SUFU: variants seen among roughly 807,000 people sequenced by gnomAD.
SUFU encodes the protein SUFU negative regulator of hedgehog signaling.
In SUFU, 7 loss-of-function variants were observed where a neutral mutation model predicts 58.9. The observed-to-expected ratio is 0.12, with a 90% confidence interval of 0.07 to 0.22. The LOEUF is 0.22. SUFU is among the 10% of genes least tolerant of loss of function. The pLI, the probability that SUFU is intolerant of heterozygous loss-of-function variation, is 1.00. For missense variants in SUFU, 451 were observed against 641.3 expected (o/e 0.70, Z 3.20); for synonymous variants, 232 against 254.8 (o/e 0.91, Z 0.85).
chr10:102,610,222 G>A (rs952812952), intron 8 of SUFU, among the ~76,000 whole-genome samples: 5 of 151,622 alleles, frequency 3.3e-5, no homozygotes, highest in South Asian at 4.2e-4. Context: ...GTGAAACCCC[G>A]TCTCTACTAA....
At chr10:102,503,932 G>GC (rs953432067), upstream of SUFU, 8 of 553,384 alleles carry the variant, frequency 1.4e-5, no homozygotes, top group African/African-American at 6.0e-5. Context: ...CCGGCGCCCC[G>GC]CCCCCCTTAG....
chr10:102,564,580 G>A (rs1418079944), intron 3 of SUFU, among the ~76,000 whole-genome samples: 4 of 152,138 alleles, frequency 2.6e-5, no homozygotes, highest in East Asian at 1.9e-4. Flanking sequence ...TGATCCACCC[G>A]CCTTGGCCTC....
intron 11 of SUFU, among the ~76,000 whole-genome samples, chr10:102,627,574 C>G (rs1337915252): frequency 1.3e-5 from 2 of 152,264 alleles, no homozygotes; most frequent in Admixed American, 6.5e-5. Flanking sequence ...AGTACGAGTT[C>G]TCCCCAGCCC....
chr10:102,633,046 C>T lies in SUFU; in HGVS notation c.*2891C>T. The stretch of plus-strand genomic sequence containing the variant: ...GCTAGAGCATTTTTAAAAATAGACA[C>T]AGGGTCTTGGGACTGGGGTTTCGGA... On this transcript the variant is annotated 3_prime_UTR_variant, in exon 12 of 12. Transcript: ENST00000369902. 4.3e-6 allele frequency: 1 copy of T among 233,374 alleles called. No individual in the cohort carries two copies. The highest frequency in any genetic ancestry group is 8.5e-6 in the Non-Finnish European group (1 of 118,096). The allele number at this position is 233,374 out of a possible 1,614,324, so 14.5% of individuals were successfully genotyped here.
At chr10:102,580,201 T>G (rs1167092368) in intron 3 of SUFU, among the ~76,000 whole-genome samples, 4 of 152,106 alleles carry the variant, frequency 2.6e-5, no homozygotes, top group African/African-American at 9.7e-5. Context: ...CTGTGCACTG[T>G]GTTGGGAGAA....
At chr10:102,608,084 C>T (rs547959441) in intron 8 of SUFU, among the ~76,000 whole-genome samples, 5 of 150,970 alleles carry the variant, frequency 3.3e-5, no homozygotes, top group South Asian at 2.1e-4. Flanking sequence ...ATCAGCCAGG[C>T]GTGATGGTGG....
chr10:102,531,728 G>T (rs1047890440), intron 2 of SUFU, among the ~76,000 whole-genome samples: 4 of 152,162 alleles, frequency 2.6e-5, no homozygotes, highest in African/African-American at 9.7e-5. Flanking sequence ...TAGCATAGGG[G>T]ATAGTGATGT....
At chr10:102,551,784 G>T (rs1212159886) in intron 3 of SUFU, among the ~76,000 whole-genome samples, 1 of 141,312 alleles carries the variant, frequency 7.1e-6, no homozygotes, top group East Asian at 2.2e-4. Flanking sequence ...GAGTGCAGTG[G>T]TGCGATCTCG....
At position 102,535,484 on chromosome 10, in the gene SUFU, CA is replaced by C. The variant is rs11389840; in HGVS notation, c.318-14472del. On this transcript the variant is annotated intron_variant, in intron 2 of 11. Coordinates refer to ENST00000369902, the MANE Select transcript of SUFU (RefSeq NM_016169.4). ...CTGGTGACAGCGTGAGACTCCGTCT[CA>C]AAAAAAAAAAAAAGAGAAAGAAAAG... Among the ~76,000 whole-genome samples the C allele has an allele frequency of 9.4e-4, 107 of 113,682 alleles. 1 individual carries two copies. The highest frequency in any genetic ancestry group is 4.4e-3 in the South Asian group (15 of 3,448). 74.6% of individuals were successfully genotyped at this position (113,682 alleles called of 152,430 possible). A position where few individuals can be genotyped will look rare whatever the true frequency, so the allele number is the denominator to read the frequency against.
chr10:102,614,258 T>G (rs2063658228), intron 8 of SUFU, among the ~76,000 whole-genome samples: 2 of 152,190 alleles, frequency 1.3e-5, no homozygotes, highest in South Asian at 4.2e-4. Context: ...CCATAAACTT[T>G]AATATAGAAT....
intron 3 of SUFU, among the ~76,000 whole-genome samples, chr10:102,580,685 CTG>C (rs1380179015): frequency 6.6e-6 from 1 of 152,130 alleles, no homozygotes; most frequent in Non-Finnish European, 1.5e-5. Flanking sequence ...GGAGGAGGCT[CTG>C]TGTCTTCCTG....
intron 2 of SUFU, 145 bp downstream of exon 2, chr10:102,509,448 A>G: frequency 8.4e-7 from 1 of 1,195,108 alleles, no homozygotes; most frequent in South Asian, 1.2e-5. Flanking sequence ...TACTCATGCC[A>G]AGGTGGTCCT....
chr10:102,594,770 G>A (rs1043963504), intron 6 of SUFU, among the ~76,000 whole-genome samples: 1 of 152,162 alleles, frequency 6.6e-6, no homozygotes, highest in Non-Finnish European at 1.5e-5. Context: ...CCAGCCTGGA[G>A]TGCAGTGGCA....
intron 2 of SUFU, among the ~76,000 whole-genome samples, chr10:102,512,149 C>G (rs1307804296): frequency 6.6e-6 from 1 of 152,206 alleles, no homozygotes; most frequent in African/African-American, 2.4e-5. Flanking sequence ...GCAATGTCTG[C>G]AGCTGCCTTT....
intron 3 of SUFU, among the ~76,000 whole-genome samples, chr10:102,558,154 G>A (rs1039398446): frequency 6.6e-6 from 1 of 152,116 alleles, no homozygotes; most frequent in African/African-American, 2.4e-5. Flanking sequence ...CACCCGCCAT[G>A]GCCTCCCAAA....
chr10:102,617,879 G>A lies in SUFU; in HGVS notation c.1296+451G>A. ...GTGTGCCTGGACCAGGGCTGGGCAG[G>A]CCTCAGTGGGAAGAGCCTCCCCTTC... On this transcript the variant is annotated intron_variant, in intron 10 of 11. Transcript: ENST00000369902. The surrounding 1 kb of genome is among the most constrained non-coding windows in gnomAD (Gnocchi z 4.4). The A allele has an allele frequency of 6.2e-6, 2 of 322,584 alleles. No homozygotes were observed. Among genetic ancestry groups the A allele is most frequent in the Non-Finnish European group, 1.1e-5 (2 of 176,572 alleles). 20.0% of individuals were successfully genotyped at this position (322,584 alleles called of 1,614,324 possible).
At chr10:102,573,412 G>A (rs1041081303) in intron 3 of SUFU, among the ~76,000 whole-genome samples, 1 of 152,212 alleles carries the variant, frequency 6.6e-6, no homozygotes, top group Non-Finnish European at 1.5e-5. Context: ...CAGCTGCTGT[G>A]GAAAATGGTC....
At chr10:102,600,015 C>T (rs1408733839) in intron 8 of SUFU, among the ~76,000 whole-genome samples, 1 of 152,156 alleles carries the variant, frequency 6.6e-6, no homozygotes. Context: ...CTTCCTGCCT[C>T]TCTTCCCTGG....
intron 7 of SUFU, among the ~76,000 whole-genome samples, chr10:102,598,914 G>T (rs1376083689): frequency 6.6e-6 from 1 of 152,114 alleles, no homozygotes; most frequent in Non-Finnish European, 1.5e-5. Flanking sequence ...AGAGTTTCCT[G>T]GGATAGACCA....
Sources: gnomAD v4.1 joint callset for allele counts (sites outside exome capture counted in the v4.1 genomes callset) on GRCh38, gnomAD v4.1.1 for gene constraint, Gnocchi (gnomAD v3.1) non-coding constraint, MANE v1.5 for transcripts, NCBI Gene and HGNC (gene_info 2026-07-23, HGNC 2026-07-21) for gene names.